SLCO4A1: variants seen among roughly 807,000 people sequenced by gnomAD.
The protein encoded by SLCO4A1 is colon organic anion transporter.
SLCO4A1 carries 51 observed loss-of-function variants against 64.6 expected under a neutral mutation model. The ratio of observed to expected loss-of-function variants is 0.79; its 90% CI spans 0.63 to 1.00. The LOEUF is 1.00. Among genes scored for constraint, SLCO4A1 ranks in the 50% least tolerant of loss-of-function variants. SLCO4A1 has a pLI of 0.00. For missense variants in SLCO4A1, 919 were observed against 980.5 expected (o/e 0.94, Z 0.84); for synonymous variants, 471 against 444.9 (o/e 1.06, Z -0.74).
chr20:62,685,340 A>G lies in SLCO4A1; in HGVS notation n.212-101A>G. 1 of 549,224 alleles carries G rather than the reference A, an allele frequency of 1.8e-6. No individual in the cohort carries two copies. The highest frequency in any genetic ancestry group is 8.0e-5 in the South Asian group (1 of 12,518). 34.0% of individuals were successfully genotyped at this position (549,224 alleles called of 1,614,324 possible). On this transcript the variant is annotated intron_variant and non_coding_transcript_variant, in intron 2 of 2. Coordinates refer to the SLCO4A1 transcript ENST00000466818. The surrounding 1 kb of genome is among the most constrained non-coding windows in gnomAD (Gnocchi z 4.6). ...CACCTTCCCCAGCTGGTCGGTGCCC[A>G]AGGGTGGGTTCGTGGGGCAACTGCA...
At chr20:62,663,892 A>T (rs1279579337) in intron 5 of SLCO4A1, among the ~76,000 whole-genome samples, 1 of 152,186 alleles carries the variant, frequency 6.6e-6, no homozygotes, top group African/African-American at 2.4e-5. Flanking sequence ...ACACCATGCA[A>T]CACGTTTTCC....
Position 62,661,041 on chromosome 20 carries a change from C to CCCCCCCCCCCCCCACCA in SLCO4A1, c.1010-23_1010-22insCCCCCCCCCCCCCACCA. On this transcript the variant is annotated intron_variant, in intron 4 of 11. Coordinates refer to ENST00000217159, the MANE Select transcript of SLCO4A1 (RefSeq NM_016354.4). The surrounding 1 kb of genome is among the most constrained non-coding windows in gnomAD (Gnocchi z 5.2). ...TCCGGGAGCCCCCAGCCCCCAGCCC[C>CCCCCCCCCCCCCCACCA]AGCTCACTCTGTGCCCTTCCAGGCT... The CCCCCCCCCCCCCCACCA allele has an allele frequency of 7.0e-7, 1 of 1,424,138 alleles. No individual in the cohort carries two copies. Among genetic ancestry groups the CCCCCCCCCCCCCCACCA allele is most frequent in the Non-Finnish European group, 9.9e-7 (1 of 1,010,136 alleles). 88.2% of individuals were successfully genotyped at this position (1,424,138 alleles called of 1,614,324 possible).
chr20:62,682,761 C>T (rs976589870), intron 2 of SLCO4A1, among the ~76,000 whole-genome samples: 2 of 152,194 alleles, frequency 1.3e-5, no homozygotes, highest in African/African-American at 4.8e-5. Flanking sequence ...ACTTCCAAGT[C>T]GTCTGAACTT....
intron 1 of SLCO4A1, among the ~76,000 whole-genome samples, chr20:62,656,125 C>G (rs78279700): frequency 7.7e-4 from 117 of 152,374 alleles, no homozygotes; most frequent in African/African-American, 2.7e-3. Context: ...GGAATTGAGT[C>G]CCTGTGAGCA....
At chr20:62,660,675 C>A in intron 4 of SLCO4A1, 142 bp downstream of exon 4, 1 of 1,098,994 alleles carries the variant, frequency 9.1e-7, no homozygotes, top group Non-Finnish European at 1.3e-6. Context: ...GTGTTCTTCC[C>A]ATCTGGGTGG....
Position 62,667,839 on chromosome 20 carries a change from G to A in SLCO4A1, c.1567G>A (p.Gly523Ser), listed in dbSNP as rs141308530. The A allele has an allele frequency of 3.7e-5, 60 of 1,613,328 alleles. No individual in the cohort carries two copies. The highest frequency in any genetic ancestry group is 1.7e-4 in the Middle Eastern group (1 of 6,020). ...CTACAGCCCTGTGTGCGGCTCGGAC[G>A]GCCTCATGTACTTCTCACTGTGCCA... ...EHYSPVCGSDGLMYFSLCHAG... is the reference protein window; with the variant it reads ...EHYSPVCGSDSLMYFSLCHAG... The change falls in exon 8 of 12, where the codon GGC (glycine) becomes AGC (serine). Residue 523 changes from glycine (G) to serine (S), a missense_variant. Physicochemically the swap from Gly to Ser is moderately conservative, Grantham distance 56 (BLOSUM62 0). Coordinates refer to ENST00000217159, the MANE Select transcript of SLCO4A1 (RefSeq NM_016354.4).
In SLCO4A1 at chr20:62,645,279, C is replaced by T. The variant is rs1981097265; in HGVS notation, c.-97+2726C>T. Among the ~76,000 whole-genome samples, 1 of 152,112 alleles carries T rather than the reference C, an allele frequency of 6.6e-6. No homozygotes were observed. On this transcript the variant is annotated intron_variant, in intron 1 of 11. Coordinates refer to ENST00000217159, the MANE Select transcript of SLCO4A1 (RefSeq NM_016354.4). This position sits in a 1 kb window ranked among gnomAD's most constrained non-coding sequence, Gnocchi z 4.2. ...GGGTGACTCTGAGCCTTGGCCCTGC[C>T]AGGGGTGTGAGGAGGAAACTGGCCC...
rs903317002 is a variant in SLCO4A1 at position 62,661,664 on chromosome 20, C to G, written c.1121+489C>G. On this transcript the variant is annotated intron_variant, in intron 5 of 11. Transcript: ENST00000217159. This position sits in a 1 kb window ranked among gnomAD's most constrained non-coding sequence, Gnocchi z 5.2. Reference sequence around the variant, plus strand: ...CCCGGGCCCTGGGATGCTGCCCCCCCATCTCCCTCCCTCCCTCAGAGTCTC... The same window carrying G: ...CCCGGGCCCTGGGATGCTGCCCCCCGATCTCCCTCCCTCCCTCAGAGTCTC... Among the ~76,000 whole-genome samples, 2 of 151,024 alleles carry G rather than the reference C, an allele frequency of 1.3e-5. No homozygotes were observed. Among genetic ancestry groups the G allele is most frequent in the African/African-American group, 4.9e-5 (2 of 41,082 alleles).
Position 62,645,380 on chromosome 20 carries a change from A to G in SLCO4A1, c.-97+2827A>G, listed in dbSNP as rs1173247735. On this transcript the variant is annotated intron_variant, in intron 1 of 11. Coordinates refer to ENST00000217159, the MANE Select transcript of SLCO4A1 (RefSeq NM_016354.4). The surrounding 1 kb of genome is among the most constrained non-coding windows in gnomAD (Gnocchi z 4.2). ...AGGAAGCAGACTGGGACTACAAAGA[A>G]CAACCTGGTCCTGGGGACCCTGCTG... is the stretch of plus-strand genomic sequence containing the variant. 1.3e-5 allele frequency among the ~76,000 whole-genome samples: 2 copies of G among 151,542 alleles called. No individual in the cohort carries two copies. Among genetic ancestry groups the G allele is most frequent in the East Asian group, 3.9e-4 (2 of 5,072 alleles).
chr20:62,648,627 C>T (rs557389741), intron 1 of SLCO4A1, among the ~76,000 whole-genome samples: 4 of 152,348 alleles, frequency 2.6e-5, no homozygotes, highest in Admixed American at 6.5e-5. Context: ...ACCCTCCTCC[C>T]GTGATGGGGC....
intron 1 of SLCO4A1, among the ~76,000 whole-genome samples, chr20:62,648,567 G>C (rs138149519): frequency 2.6e-5 from 4 of 152,244 alleles, no homozygotes; most frequent in Admixed American, 6.5e-5. Context: ...TGGAGCAGCC[G>C]TCAGGAGTAC....
At chr20:62,686,744 G>A, downstream of SLCO4A1, among the ~76,000 whole-genome samples, 1 of 152,238 alleles carries the variant, frequency 6.6e-6, no homozygotes, top group East Asian at 1.9e-4. Flanking sequence ...GGTTTGGACG[G>A]TGCAGAGACA....
chr20:62,658,011 C>T (rs1419889772), intron 2 of SLCO4A1, among the ~76,000 whole-genome samples: 2 of 152,102 alleles, frequency 1.3e-5, no homozygotes, highest in Non-Finnish European at 2.9e-5. Context: ...GCCCCATGGC[C>T]CGTCCGACAT....
Position 62,644,683 on chromosome 20 carries a change from T to G in SLCO4A1, c.-97+2130T>G, listed in dbSNP as rs1212185861. Among the ~76,000 whole-genome samples, 1 of 152,244 alleles carries G rather than the reference T, an allele frequency of 6.6e-6. No homozygotes were observed. The highest frequency in any genetic ancestry group is 1.9e-4 in the East Asian group (1 of 5,198). ...AAAGTTAACTCATCGAGCTTAGTAT[T>G]GTGCCTACAAGGTCTTCGATCCGGA... On this transcript the variant is annotated intron_variant, in intron 1 of 11. Coordinates refer to ENST00000217159, the MANE Select transcript of SLCO4A1 (RefSeq NM_016354.4). The surrounding 1 kb of genome is among the most constrained non-coding windows in gnomAD (Gnocchi z 5.4).
Position 62,645,158 on chromosome 20 carries a change from G to T in SLCO4A1, c.-97+2605G>T, listed in dbSNP as rs1326245097. Among the ~76,000 whole-genome samples the T allele has an allele frequency of 2.0e-5, 3 of 152,216 alleles. No individual in the cohort carries two copies. Among genetic ancestry groups the T allele is most frequent in the Non-Finnish European group, 4.4e-5 (3 of 68,046 alleles). ...TGTCAGCTGACTTCAGGCAGGATCT[G>T]GGTCTTGCCCACTTGTTGGAATGGG... On this transcript the variant is annotated intron_variant, in intron 1 of 11. Coordinates refer to ENST00000217159, the MANE Select transcript of SLCO4A1 (RefSeq NM_016354.4). The surrounding 1 kb of genome is among the most constrained non-coding windows in gnomAD (Gnocchi z 4.2).
chr20:62,668,800 C>T (rs181205244), intron 10 of SLCO4A1, 130 bp from the exon 11 acceptor site: 79 of 968,042 alleles, frequency 8.2e-5, no homozygotes, highest in Admixed American at 1.3e-4. Flanking sequence ...GCCCTCTTTG[C>T]ACCCCCTGAG....
rs372187446 is a variant in SLCO4A1 at position 62,679,119 on chromosome 20, G to A, written n.212-6322G>A. Among the ~76,000 whole-genome samples, 20 of 152,238 alleles carry A rather than the reference G, an allele frequency of 1.3e-4. No individual in the cohort carries two copies. The East Asian group carries it at 3.3e-3, about 25-fold the overall frequency. On this transcript the variant is annotated intron_variant and non_coding_transcript_variant, in intron 2 of 2. Transcript: ENST00000466818. ...CTGCAGAGGCTGAGGCAGGAGAATC[G>A]CTTGAAGCTGGGAGGCAAAGGCTGC...
chr20:62,656,587 C>T lies in SLCO4A1; in HGVS notation c.133C>T (p.Arg45Cys), dbSNP rs79373363. Residue 45 changes from arginine to cysteine, a missense_variant, in exon 2 of 12, where the codon CGC (arginine) becomes TGC (cysteine). Coordinates refer to ENST00000217159, the MANE Select transcript of SLCO4A1 (RefSeq NM_016354.4). ...PGTPLSPGSL[R>C]SAAHSPLDTS... ...CACACCCCTGAGCCCCGGCTCCCTC[C>T]GCTCCGCTGCCCATAGCCCCCTGGA... 6,842 of 1,593,300 alleles carry T rather than the reference C, an allele frequency of 4.3e-3. 393 individuals carry two copies. The Admixed American group carries it at 0.1, about 24-fold the overall frequency.
chr20:62,661,041 C>CCCCCCCCCCCCCCACAAAA lies in SLCO4A1; in HGVS notation c.1010-23_1010-22insCCCCCCCCCCCCCACAAAA. On this transcript the variant is annotated intron_variant, in intron 4 of 11. Coordinates refer to ENST00000217159, the MANE Select transcript of SLCO4A1 (RefSeq NM_016354.4). This position sits in a 1 kb window ranked among gnomAD's most constrained non-coding sequence, Gnocchi z 5.2. ...TCCGGGAGCCCCCAGCCCCCAGCCC[C>CCCCCCCCCCCCCCACAAAA]AGCTCACTCTGTGCCCTTCCAGGCT... The CCCCCCCCCCCCCCACAAAA allele has an allele frequency of 2.8e-6, 4 of 1,424,144 alleles. No individual in the cohort carries two copies. Among genetic ancestry groups the CCCCCCCCCCCCCCACAAAA allele is most frequent in the Non-Finnish European group, 4.0e-6 (4 of 1,010,142 alleles). 88.2% of individuals were successfully genotyped at this position (1,424,144 alleles called of 1,614,324 possible).
Sources: gnomAD v4.1 joint callset for allele counts (sites outside exome capture counted in the v4.1 genomes callset) on GRCh38, gnomAD v4.1.1 for gene constraint, Gnocchi (gnomAD v3.1) non-coding constraint, MANE v1.5 for transcripts, NCBI Gene and HGNC (gene_info 2026-07-23, HGNC 2026-07-21) for gene names.